GLS: variants seen among roughly 807,000 people sequenced by gnomAD.
GLS encodes the protein glutaminase kidney isoform, mitochondrial.
GLS carries 36 observed loss-of-function variants against 86.7 expected under a neutral mutation model. The ratio of observed to expected loss-of-function variants is 0.42; its 90% confidence interval spans 0.32 to 0.55. The LOEUF is 0.55. Among genes scored for constraint, GLS ranks in the 20% least tolerant of loss-of-function variants. The probability of loss-of-function intolerance (pLI) is 0.17; values close to 1 mark genes in which losing one functional copy is unlikely to be tolerated. For missense variants in GLS, 528 were observed against 833.4 expected (o/e 0.63, Z 4.51); for synonymous variants, 317 against 305.9 (o/e 1.04, Z -0.38).
chr2:190,895,495 C>A lies in GLS; in HGVS notation c.484-109C>A. ...GACACTAAGATGCCATATTCATGTTCAAGTGTTGGGTAGAAGTTTTTATAT... is the reference window on the plus strand; with the variant it reads ...GACACTAAGATGCCATATTCATGTTAAAGTGTTGGGTAGAAGTTTTTATAT... On this transcript the variant is annotated intron_variant, in intron 2 of 17. Coordinates refer to ENST00000320717, the MANE Select transcript of GLS (RefSeq NM_014905.5). The surrounding 1 kb of genome is among the most constrained non-coding windows in gnomAD (Gnocchi z 4.2). The A allele has an allele frequency of 1.4e-6, 1 of 715,798 alleles. No homozygotes were observed. Among genetic ancestry groups the A allele is most frequent in the Non-Finnish European group, 2.3e-6 (1 of 442,490 alleles). 44.3% of individuals were successfully genotyped at this position (715,798 alleles called of 1,614,324 possible).
chr2:190,919,105 C>T (rs979532400), intron 7 of GLS, among the ~76,000 whole-genome samples: 4 of 152,056 alleles, frequency 2.6e-5, no homozygotes, highest in African/African-American at 7.2e-5. Context: ...GCAGGGTTAT[C>T]ACAAACCTTC....
At chr2:190,916,618 A>G (rs972185142) in intron 7 of GLS, among the ~76,000 whole-genome samples, 1 of 152,234 alleles carries the variant, frequency 6.6e-6, no homozygotes, top group African/African-American at 2.4e-5. Context: ...TTCCAGGGTA[A>G]ATAATATGAA....
At position 190,949,421 on chromosome 2, in the gene GLS, C is replaced by G. The variant is rs142256701; in HGVS notation, c.1651-4144C>G. ...AAAGTTAAGGTAGATGGGCTGGGCA[C>G]AGGGGCTCACACCTGTAATCCCTAC... is the stretch of plus-strand genomic sequence containing the variant. On this transcript the variant is annotated intron_variant, in intron 14 of 17. Coordinates refer to ENST00000320717, the MANE Select transcript of GLS (RefSeq NM_014905.5). This position sits in a 1 kb window ranked among gnomAD's most constrained non-coding sequence, Gnocchi z 4.0. 3.0e-3 allele frequency among the ~76,000 whole-genome samples: 461 copies of G among 152,200 alleles called. 8 individuals carry two copies. Among genetic ancestry groups the G allele is most frequent in the African/African-American group, 0.01 (429 of 41,520 alleles).
At chr2:190,942,752 G>A (rs1180966288) in intron 14 of GLS, among the ~76,000 whole-genome samples, 1 of 152,196 alleles carries the variant, frequency 6.6e-6, no homozygotes, top group Non-Finnish European at 1.5e-5. Flanking sequence ...GTTTGATTGT[G>A]GATATCAGGA....
chr2:190,910,190 T>C, intron 6 of GLS, 73 bp from the exon 7 acceptor site: 1 of 908,650 alleles, frequency 1.1e-6, no homozygotes, highest in Non-Finnish European at 1.7e-6. Flanking sequence ...TTTTCCAAGG[T>C]CATTTTTAGT....
intron 6 of GLS, among the ~76,000 whole-genome samples, chr2:190,907,557 TAACAGTAGTTTTA>T (rs1264555061): frequency 6.6e-6 from 1 of 152,200 alleles, no homozygotes; most frequent in Admixed American, 6.5e-5. Context: ...CACCTGGCAA[TAACAGTAGTTTTA>T]AAATGTTTGC....
chr2:190,932,530 T>TA, intron 14 of GLS: 2 of 353,952 alleles, frequency 5.7e-6, no homozygotes, highest in South Asian at 1.1e-4. Flanking sequence ...ATGTAAGAAT[T>TA]ATGCAAAACC....
In GLS at chr2:190,930,508, G is replaced by A; in HGVS notation, c.1497G>A (p.Met499Ile). The change falls in exon 13 of 18, where the codon ATG becomes ATA. Residue 499 changes from methionine to isoleucine, a missense_variant. By Grantham distance (10) the Met-to-Ile change is conservative. Around this residue, in one of 4 missense-constraint regions of GLS, gnomAD observed 163 missense variants for 429.2 expected, o/e 0.38. Coordinates refer to ENST00000320717, the MANE Select transcript of GLS (RefSeq NM_014905.5). This position sits in a 1 kb window ranked among gnomAD's most constrained non-coding sequence, Gnocchi z 5.0. ...LLVVPNVMGM[M>I]CWSPPLDKMG... ...TTGTCCCCAATGTTATGGGTATGATGTGCTGGTCTCCTCCTCTGGATAAGA... is the reference window on the plus strand; with the variant it reads ...TTGTCCCCAATGTTATGGGTATGATATGCTGGTCTCCTCCTCTGGATAAGA... The A allele has an allele frequency of 6.2e-7, 1 of 1,612,322 alleles. No individual in the cohort carries two copies. The highest frequency in any genetic ancestry group is 1.3e-5 in the African/African-American group (1 of 75,028).
chr2:190,893,676 C>T lies in GLS; in HGVS notation c.387-1476C>T, dbSNP rs536091158. 3.6e-3 allele frequency among the ~76,000 whole-genome samples: 554 copies of T among 152,270 alleles called. 2 individuals carry two copies. The highest frequency in any genetic ancestry group is 0.013 in the African/African-American group (526 of 41,552). ...TCTTGGCTCACTGCAACCTCCACCTCCCGGGTTCAAGCTATTCTCCTGCCT... is the reference window on the plus strand; with the variant it reads ...TCTTGGCTCACTGCAACCTCCACCTTCCGGGTTCAAGCTATTCTCCTGCCT... On this transcript the variant is annotated intron_variant, in intron 1 of 17. Coordinates refer to ENST00000320717, the MANE Select transcript of GLS (RefSeq NM_014905.5).
rs879557630 is a variant in GLS, at chr2:190,914,431, GTTTT to G, written c.1038+4119_1038+4122del. Among the ~76,000 whole-genome samples the G allele has an allele frequency of 3.5e-5, 5 of 142,402 alleles. No individual in the cohort carries two copies. Among genetic ancestry groups the G allele is most frequent in the African/African-American group, 1.3e-4 (5 of 38,966 alleles). The allele number at this position is 142,402 out of a possible 152,430, so 93.4% of individuals were successfully genotyped here. ...CTTGTTTATATCAGTTTATGCTTTA[GTTTT>G]TTTTTTTTAATGAAAGGTAGAGCAT... is the stretch of plus-strand genomic sequence containing the variant. On this transcript the variant is annotated intron_variant, in intron 7 of 17. Coordinates refer to ENST00000320717, the MANE Select transcript of GLS (RefSeq NM_014905.5). This position sits in a 1 kb window ranked among gnomAD's most constrained non-coding sequence, Gnocchi z 4.4.
chr2:190,923,909 T>C lies in GLS; in HGVS notation c.1131-8T>C. The C allele has an allele frequency of 6.5e-7, 1 of 1,539,294 alleles. No individual in the cohort carries two copies. The highest frequency in any genetic ancestry group is 1.8e-5 in the Admixed American group (1 of 56,332). On this transcript the variant is annotated splice_polypyrimidine_tract_variant and splice_region_variant and intron_variant, in intron 9 of 17. Transcript: ENST00000320717. ...ACATAGAGCAAATGTTTTTTTTTCTTCTTCCAGGTTTCAGTCTGAAAGAGA... is the reference window on the plus strand; with the variant it reads ...ACATAGAGCAAATGTTTTTTTTTCTCCTTCCAGGTTTCAGTCTGAAAGAGA...
rs1458588749 is a variant in GLS, at chr2:190,913,731, A to G, written c.1038+3410A>G. On this transcript the variant is annotated intron_variant, in intron 7 of 17. Coordinates refer to ENST00000320717, the MANE Select transcript of GLS (RefSeq NM_014905.5). This position sits in a 1 kb window ranked among gnomAD's most constrained non-coding sequence, Gnocchi z 6.1. ...CAACATACTGCAAAATAATTGCCAC[A>G]CTTAATGCTTTTTCATGTTAGAAAT... 1.0e-6 allele frequency: 1 copy of G among 975,348 alleles called. No homozygotes were observed. The highest frequency in any genetic ancestry group is 1.8e-5 in the African/African-American group (1 of 57,028). 60.4% of individuals were successfully genotyped at this position (975,348 alleles called of 1,614,324 possible). A position where few individuals can be genotyped will look rare whatever the true frequency, so the allele number is the denominator to read the frequency against.
In GLS at chr2:190,880,919, CA is replaced by C. The variant is rs869269909; in HGVS notation, c.-165del. 5 of 938,536 alleles carry C rather than the reference CA, an allele frequency of 5.3e-6. No homozygotes were observed. In the South Asian group the frequency reaches 5.6e-5, roughly 11 times the overall value. The allele number at this position is 938,536 out of a possible 1,614,324, so 58.1% of individuals were successfully genotyped here. A position where few individuals can be genotyped will look rare whatever the true frequency, so the allele number is the denominator to read the frequency against. On this transcript the variant is annotated 5_prime_UTR_variant, in exon 1 of 18. Transcript: ENST00000320717. ...GCAGCAGCAGCAGCAGCAGCAGCAGCACCCGCATCCGCTGCGGGAGTCCGAG... is the reference window on the plus strand; with the variant it reads ...GCAGCAGCAGCAGCAGCAGCAGCAGCCCCGCATCCGCTGCGGGAGTCCGAG...
chr2:190,957,779 C>T (rs934573594), intron 17 of GLS, among the ~76,000 whole-genome samples: 11 of 152,272 alleles, frequency 7.2e-5, no homozygotes, highest in African/African-American at 2.6e-4. Context: ...GGTGGATAAG[C>T]TTTTTGATGT....
At position 190,881,387 on chromosome 2, in the gene GLS, G is replaced by A; in HGVS notation, c.303G>A (p.Ala101=). The stretch of plus-strand genomic sequence containing the variant: ...GGGTGTCGCCACCCGCTGCCCCGGC[G>A]GCGCCCGGCCCCAAGGACGGCCCCG... The part of the protein sequence containing the change: ...QPGVSPPAAP[A]APGPKDGPGE... The change falls in exon 1 of 18, where the codon GCG becomes GCA. Residue 101 remains alanine (A), a synonymous_variant. Coordinates refer to ENST00000320717, the MANE Select transcript of GLS (RefSeq NM_014905.5). The A allele has an allele frequency of 6.5e-7, 1 of 1,541,682 alleles. No individual in the cohort carries two copies. The highest frequency in any genetic ancestry group is 8.7e-7 in the Non-Finnish European group (1 of 1,143,458).
At chr2:190,894,780 A>G (rs1458912313) in intron 1 of GLS, among the ~76,000 whole-genome samples, 1 of 152,076 alleles carries the variant, frequency 6.6e-6, no homozygotes, top group Non-Finnish European at 1.5e-5. Context: ...CCCCAAAACA[A>G]CTGAACAGAG....
At position 190,930,727 on chromosome 2, in the gene GLS, A is replaced by G. The variant is rs1690081533; in HGVS notation, c.1557+159A>G. Among the ~76,000 whole-genome samples the G allele has an allele frequency of 6.6e-6, 1 of 152,176 alleles. No homozygotes were observed. The highest frequency in any genetic ancestry group is 2.1e-4 in the South Asian group (1 of 4,832). ...TGGAAATACTCCCAGAGGAGCTTCA[A>G]GTTGTCTCTGTCAGACAGCTCCCAT... is the stretch of plus-strand genomic sequence containing the variant. On this transcript the variant is annotated intron_variant, in intron 13 of 17. Transcript: ENST00000320717. The surrounding 1 kb of genome is among the most constrained non-coding windows in gnomAD (Gnocchi z 5.0).
At position 190,956,553 on chromosome 2, in the gene GLS, T is replaced by C. The variant is rs560566612; in HGVS notation, c.1853+1735T>C. Among the ~76,000 whole-genome samples, 9 of 152,348 alleles carry C rather than the reference T, an allele frequency of 5.9e-5. No individual in the cohort carries two copies. Among genetic ancestry groups the C allele is most frequent in the African/African-American group, 2.2e-4 (9 of 41,582 alleles). ...GGTAGCGTGATGCCTCCAGCTTTCT[T>C]CTTTTTGCTTAGGATCGTCTTGGCT... On this transcript the variant is annotated intron_variant, in intron 17 of 17. Transcript: ENST00000320717. This position sits in a 1 kb window ranked among gnomAD's most constrained non-coding sequence, Gnocchi z 4.2.
intron 11 of GLS, among the ~76,000 whole-genome samples, chr2:190,926,311 G>A (rs1176275108): frequency 1.3e-5 from 2 of 152,106 alleles, no homozygotes; most frequent in South Asian, 2.1e-4. Flanking sequence ...ATTGCAAGTC[G>A]ATTCTGTCGT....
Sources: gnomAD v4.1 joint callset for allele counts (sites outside exome capture counted in the v4.1 genomes callset) on GRCh38, gnomAD v4.1.1 for gene constraint, gnomAD v4.1.1 regional missense constraint, Gnocchi (gnomAD v3.1) non-coding constraint, MANE v1.5 for transcripts, NCBI Gene and HGNC (gene_info 2026-07-23, HGNC 2026-07-21) for gene names.